Variants in NELL1 observed in about 807,000 individuals in gnomAD.
The protein encoded by NELL1 is neural EGFL like 1.
Under a neutral mutation model 107.4 loss-of-function variants are expected in NELL1, and 76 were observed. The ratio of observed to expected loss-of-function variants is 0.71; its 90% confidence interval spans 0.59 to 0.86. The LOEUF is 0.86. NELL1 is among the 40% of genes least tolerant of loss of function. The pLI is 0.00. For missense variants in NELL1, 1,024 were observed against 1,005.5 expected, an observed-to-expected ratio of 1.02 and a Z score of -0.25; for synonymous variants, 353 against 341.2, an observed-to-expected ratio of 1.03 and a Z score of -0.38.
At chr11:20,943,756 C>T (rs1371093400) in intron 10 of NELL1, among the ~76,000 whole-genome samples, 1 of 152,186 alleles carries the variant, frequency 6.6e-6, no homozygotes. Context: ...CCACAGTCTC[C>T]TCTCTTAGCC....
intron 7 of NELL1, among the ~76,000 whole-genome samples, chr11:20,923,221 A>C (rs16907042): frequency 0.042 from 6,432 of 152,130 alleles, 195 homozygotes; most frequent in East Asian, 0.099. Flanking sequence ...AACCAAACAG[A>C]TGTAGATACC....
Position 20,703,041 on chromosome 11 carries a change from C to A in NELL1, c.184+24981C>A, listed in dbSNP as rs533800113. On this transcript the variant is annotated intron_variant, in intron 2 of 19. Coordinates refer to ENST00000357134, the MANE Select transcript of NELL1 (RefSeq NM_006157.5). The stretch of plus-strand genomic sequence containing the variant: ...TAAAGTGAGTTAGGGAGGATTCCCT[C>A]TTTTTTCTATTGATTGAAATAGTTT... 1.2e-4 allele frequency among the ~76,000 whole-genome samples: 19 copies of A among 152,254 alleles called. 1 individual carries two copies. The South Asian group carries it at 3.9e-3, about 32-fold the overall frequency.
chr11:21,224,350 C>T (rs922995985), intron 13 of NELL1, among the ~76,000 whole-genome samples: 1 of 151,856 alleles, frequency 6.6e-6, no homozygotes, highest in Non-Finnish European at 1.5e-5. Context: ...TCAAGTGATC[C>T]TCCTGTGAAG....
intron 15 of NELL1, among the ~76,000 whole-genome samples, chr11:21,429,594 CA>C (rs1366698317): frequency 2.0e-5 from 3 of 152,214 alleles, no homozygotes; most frequent in Non-Finnish European, 4.4e-5. Flanking sequence ...TCCAAACCCA[CA>C]CATTCTGAGC....
intron 13 of NELL1, among the ~76,000 whole-genome samples, chr11:21,126,080 G>A (rs1855480747): frequency 6.6e-6 from 1 of 152,176 alleles, no homozygotes; most frequent in Non-Finnish European, 1.5e-5. Flanking sequence ...TAAGGTGTGG[G>A]AGGTTGAGGA....
At chr11:21,315,127 G>C (rs1199685356) in intron 14 of NELL1, among the ~76,000 whole-genome samples, 1 of 152,162 alleles carries the variant, frequency 6.6e-6, no homozygotes, top group Non-Finnish European at 1.5e-5. Flanking sequence ...AAAGTGCTGG[G>C]ATTACAGGCA....
chr11:20,678,535 C>T (rs564318597), intron 2 of NELL1, among the ~76,000 whole-genome samples: 1 of 152,324 alleles, frequency 6.6e-6, no homozygotes, highest in African/African-American at 2.4e-5. Context: ...TTCATTAAAT[C>T]ATTCAGCAAG....
At chr11:21,552,319 G>A (rs1032379691) in intron 16 of NELL1, among the ~76,000 whole-genome samples, 1 of 151,564 alleles carries the variant, frequency 6.6e-6, no homozygotes, top group Non-Finnish European at 1.5e-5. Context: ...GTTTGTTTGA[G>A]TCTTTTAATG....
intron 14 of NELL1, among the ~76,000 whole-genome samples, chr11:21,237,634 C>T (rs1858244158): frequency 6.6e-6 from 1 of 152,044 alleles, no homozygotes; most frequent in South Asian, 2.1e-4. Context: ...AGGCACTATG[C>T]TAGGCTCTGG....
chr11:21,342,420 G>C (rs867725000), intron 14 of NELL1, among the ~76,000 whole-genome samples: 24 of 147,412 alleles, frequency 1.6e-4, no homozygotes, highest in South Asian at 4.5e-4. Flanking sequence ...GTGGGGGGGG[G>C]GGTCACTTGA....
At chr11:21,522,819 C>CTAT (rs761565766) in intron 15 of NELL1, among the ~76,000 whole-genome samples, 38 of 141,734 alleles carry the variant, frequency 2.7e-4, no homozygotes, top group Non-Finnish European at 4.8e-4. Context: ...ATCTTGAATC[C>CTAT]TATTTTTTTC....
chr11:20,886,204 T>G (rs1418199025), intron 5 of NELL1, among the ~76,000 whole-genome samples: 2 of 152,074 alleles, frequency 1.3e-5, no homozygotes, highest in African/African-American at 4.8e-5. Context: ...CTCAACATCA[T>G]GCAGTATACC....
chr11:20,936,218 G>A (rs906836833), intron 9 of NELL1, among the ~76,000 whole-genome samples: 14 of 152,118 alleles, frequency 9.2e-5, no homozygotes, highest in Non-Finnish European at 1.9e-4. Flanking sequence ...GGAGAAAGGG[G>A]GCCAGGACTG....
chr11:21,166,469 T>G (rs2133806668), intron 13 of NELL1, among the ~76,000 whole-genome samples: 1 of 152,000 alleles, frequency 6.6e-6, no homozygotes, highest in South Asian at 2.1e-4. Flanking sequence ...ATTGGATTGT[T>G]TGAAACACAA....
intron 14 of NELL1, among the ~76,000 whole-genome samples, chr11:21,328,819 A>G (rs978941615): frequency 1.3e-5 from 2 of 152,106 alleles, no homozygotes; most frequent in African/African-American, 2.4e-5. Context: ...TGACTGCCCT[A>G]TTGGATTTCA....
chr11:21,351,522 T>TAAA (rs200874666), intron 14 of NELL1, among the ~76,000 whole-genome samples: 1 of 137,658 alleles, frequency 7.3e-6, no homozygotes, highest in African/African-American at 2.7e-5. Context: ...TTATTTCCAG[T>TAAA]AAAAAAAAAA....
intron 2 of NELL1, among the ~76,000 whole-genome samples, chr11:20,698,607 A>G (rs1266404842): frequency 1.3e-5 from 2 of 152,186 alleles, no homozygotes; most frequent in African/African-American, 2.4e-5. Context: ...ATTAATTTAG[A>G]TAACTTAAAT....
intron 2 of NELL1, among the ~76,000 whole-genome samples, chr11:20,762,283 G>A (rs550977840): frequency 3.4e-4 from 52 of 152,296 alleles, no homozygotes; most frequent in African/African-American, 9.9e-4. Flanking sequence ...GAGAACACAC[G>A]TGGTCCTTCT....
intron 15 of NELL1, among the ~76,000 whole-genome samples, chr11:21,491,307 C>A (rs1854802078): frequency 6.6e-6 from 1 of 152,122 alleles, no homozygotes; most frequent in Non-Finnish European, 1.5e-5. Flanking sequence ...CCTAGATTTT[C>A]TTCTAGGGTT....
Sources: gnomAD v4.1 joint callset for allele counts (sites outside exome capture counted in the v4.1 genomes callset) on GRCh38, gnomAD v4.1.1 for gene constraint, MANE v1.5 for transcripts, NCBI Gene and HGNC (gene_info 2026-07-23, HGNC 2026-07-21) for gene names.